RORA: variants seen among roughly 807,000 people sequenced by gnomAD.
The protein encoded by RORA is RAR related orphan receptor A, also known as nuclear receptor ROR-alpha.
Under a neutral mutation model 69.5 loss-of-function variants are expected in RORA, and 7 were observed. The ratio of observed to expected loss-of-function variants is 0.10; its 90% confidence interval spans 0.06 to 0.19. The LOEUF is 0.19. Ranked by LOEUF, RORA falls within the 10% of genes least tolerant of loss-of-function variation. The probability of loss-of-function intolerance (pLI) is 1.00; values close to 1 mark genes in which losing one functional copy is unlikely to be tolerated. For synonymous variants in RORA, 261 were observed against 240.8 expected (o/e 1.08, Z -0.78); for missense variants, 457 against 663.0 (o/e 0.69, Z 3.41).
chr15:61,153,842 A>G (rs1469491374), intron 1 of RORA, among the ~76,000 whole-genome samples: 2 of 152,014 alleles, frequency 1.3e-5, no homozygotes, highest in Non-Finnish European at 2.9e-5. Context: ...ACACAATGAC[A>G]TGGAGGCCCA....
At chr15:60,699,968 C>T (rs982359355) in intron 1 of RORA, among the ~76,000 whole-genome samples, 11 of 152,128 alleles carry the variant, frequency 7.2e-5, no homozygotes, top group African/African-American at 2.7e-4. Flanking sequence ...CATGAAATGA[C>T]ACTGCTGAGA....
chr15:61,157,393 T>A (rs1333908216), intron 1 of RORA, among the ~76,000 whole-genome samples: 2 of 152,206 alleles, frequency 1.3e-5, no homozygotes, highest in Non-Finnish European at 2.9e-5. Context: ...CATAAAATGT[T>A]AAAAAATACC....
chr15:60,497,387 G>A lies in RORA; in HGVS notation c.*68C>T, dbSNP rs768311360. 43 of 1,430,616 alleles carry A rather than the reference G, an allele frequency of 3.0e-5. No homozygotes were observed. The highest frequency in any genetic ancestry group is 3.9e-5 in the Non-Finnish European group (40 of 1,023,266). The allele number at this position is 1,430,616 out of a possible 1,614,324, so 88.6% of individuals were successfully genotyped here. ...TGTGCAGGGCCATATAAAGTGTCTC[G>A]GTTAATTTTTTTGTTTGTTTTTCAT... is the stretch of plus-strand genomic sequence containing the variant. On this transcript the variant is annotated 3_prime_UTR_variant, in exon 11 of 11. Transcript: ENST00000335670.
At position 60,986,527 on chromosome 15, in the gene RORA, C is replaced by T. The variant is rs181862319; in HGVS notation, c.166+242526G>A. On this transcript the variant is annotated intron_variant, in intron 1 of 10. Coordinates refer to ENST00000335670, the MANE Select transcript of RORA (RefSeq NM_134261.3). ...TCATACCAAGTTAGACAGAGGTGAC[C>T]GGCTAGGTGAGAAGCTGGTAACTGT... Among the ~76,000 whole-genome samples, 9 of 152,226 alleles carry T rather than the reference C, an allele frequency of 5.9e-5. No individual in the cohort carries two copies. In the East Asian group the frequency reaches 1.3e-3, roughly 23 times the overall value.
intron 1 of RORA, among the ~76,000 whole-genome samples, chr15:61,035,016 C>A (rs540356247): frequency 2.6e-5 from 4 of 152,080 alleles, no homozygotes; most frequent in Middle Eastern, 3.2e-3. Context: ...TTTAACTATG[C>A]GCATATGTTT....
intron 1 of RORA, among the ~76,000 whole-genome samples, chr15:60,968,829 C>T (rs1340482426): frequency 6.6e-6 from 1 of 152,108 alleles, no homozygotes; most frequent in East Asian, 1.9e-4. Flanking sequence ...TACAACCACT[C>T]AAGTTTTGGC....
intron 2 of RORA, among the ~76,000 whole-genome samples, chr15:60,637,455 T>C (rs1006065449): frequency 6.6e-6 from 1 of 152,174 alleles, no homozygotes; most frequent in South Asian, 2.1e-4. Flanking sequence ...TTTCAATGTA[T>C]TGAACTTTGT....
intron 1 of RORA, among the ~76,000 whole-genome samples, chr15:61,046,731 T>G (rs959781931): frequency 5.3e-5 from 8 of 152,140 alleles, no homozygotes; most frequent in African/African-American, 1.9e-4. Context: ...GGAGCTAGAA[T>G]TGATAACAGA....
At chr15:60,695,411 C>G (rs1160490207) in intron 1 of RORA, among the ~76,000 whole-genome samples, 1 of 152,032 alleles carries the variant, frequency 6.6e-6, no homozygotes, top group African/African-American at 2.4e-5. Flanking sequence ...ATGTACATGC[C>G]AGGGACCTCT....
At chr15:60,900,123 A>T (rs1891346159) in intron 1 of RORA, among the ~76,000 whole-genome samples, 1 of 152,218 alleles carries the variant, frequency 6.6e-6, no homozygotes, top group Non-Finnish European at 1.5e-5. Flanking sequence ...TACAACTGGC[A>T]TCATTTGGCG....
intron 1 of RORA, among the ~76,000 whole-genome samples, chr15:60,849,431 CA>C (rs2073301097): frequency 6.6e-6 from 1 of 152,148 alleles, no homozygotes; most frequent in Non-Finnish European, 1.5e-5. Flanking sequence ...ACAACATTGA[CA>C]GATACAGATA....
intron 1 of RORA, among the ~76,000 whole-genome samples, chr15:61,217,514 G>A (rs1250367481): frequency 2.6e-5 from 4 of 152,104 alleles, no homozygotes; most frequent in Non-Finnish European, 5.9e-5. Context: ...AGATGAAAAG[G>A]CCAAGTTCAA....
chr15:61,181,401 A>T (rs983449623), intron 1 of RORA: 4 of 152,210 alleles, frequency 2.6e-5, no homozygotes, highest in Non-Finnish European at 5.9e-5. Flanking sequence ...GCAAATGGTA[A>T]GGCAAGAATT....
intron 1 of RORA, among the ~76,000 whole-genome samples, chr15:61,169,868 G>A (rs1228957210): frequency 6.6e-6 from 1 of 152,116 alleles, no homozygotes; most frequent in Admixed American, 6.5e-5. Context: ...TCCTTGGGCA[G>A]CATCCCAGGG....
intron 1 of RORA, chr15:61,211,799 C>G (rs911031502): frequency 6.6e-6 from 1 of 152,156 alleles, no homozygotes; most frequent in African/African-American, 2.4e-5. Context: ...CATAATTACA[C>G]AACATTTTTC....
At position 61,182,725 on chromosome 15, in the gene RORA, C is replaced by A. The variant is rs139864812; in HGVS notation, c.166+46328G>T. Among the ~76,000 whole-genome samples the A allele has an allele frequency of 2.0e-3, 312 of 152,310 alleles. 4 individuals carry two copies. Among genetic ancestry groups the A allele is most frequent in the Non-Finnish European group, 2.7e-3 (182 of 68,020 alleles). On this transcript the variant is annotated intron_variant, in intron 1 of 10. Coordinates refer to ENST00000335670, the MANE Select transcript of RORA (RefSeq NM_134261.3). ...AGATGGCTGGCAGACACCACCTTAA[C>A]TAGGGAATCAGATCGAGGTTCACAT... is the stretch of plus-strand genomic sequence containing the variant.
chr15:60,791,552 A>G (rs1262532485), intron 1 of RORA, among the ~76,000 whole-genome samples: 1 of 152,208 alleles, frequency 6.6e-6, no homozygotes, highest in African/African-American at 2.4e-5. Flanking sequence ...GAACTGTCAG[A>G]GAAATAAGTC....
chr15:60,915,412 AGAG>A (rs1891842497), intron 1 of RORA, among the ~76,000 whole-genome samples: 1 of 152,198 alleles, frequency 6.6e-6, no homozygotes, highest in African/African-American at 2.4e-5. Flanking sequence ...GCCCCAGTGC[AGAG>A]GAGGGGCTCA....
chr15:60,592,286 G>C (rs964131591), intron 2 of RORA: 9 of 832,332 alleles, frequency 1.1e-5, no homozygotes, highest in African/African-American at 7.3e-5. Context: ...CGGGCAGTAC[G>C]TGCGTTCGGG....
Sources: gnomAD v4.1 joint callset for allele counts (sites outside exome capture counted in the v4.1 genomes callset) on GRCh38, gnomAD v4.1.1 for gene constraint, MANE v1.5 for transcripts, NCBI Gene and HGNC (gene_info 2026-07-23, HGNC 2026-07-21) for gene names.